The following IL19 variants were observed in gnomAD, a reference collection of about 807,000 sequenced individuals.
IL19 encodes the protein interleukin-19.
Under a neutral mutation model 19.5 loss-of-function variants are expected in IL19, and 15 were observed. That is an observed-to-expected ratio of 0.77 (90% CI 0.52 to 1.19). IL19 has a LOEUF of 1.19. IL19 is among the 50% of genes most tolerant of loss of function. The probability of loss-of-function intolerance (pLI) is 0.00; values close to 1 mark genes in which losing one functional copy is unlikely to be tolerated. For missense variants in IL19, 199 were observed against 213.1 expected (o/e 0.93, Z 0.41); for synonymous variants, 78 against 78.3 (o/e 1.00, Z 0.02).
At chr1:206,832,019 C>G (rs533740040) in intron 2 of IL19, among the ~76,000 whole-genome samples, 1 of 152,246 alleles carries the variant, frequency 6.6e-6, no homozygotes, top group Non-Finnish European at 1.5e-5. Flanking sequence ...CTGCTATTCT[C>G]ACATGTGCAG....
At chr1:206,776,078 C>G (rs969043350) in intron 1 of IL19, among the ~76,000 whole-genome samples, 2 of 152,184 alleles carry the variant, frequency 1.3e-5, no homozygotes, top group African/African-American at 4.8e-5. Flanking sequence ...GGGAATACCT[C>G]TCTTCTTCCA....
intron 4 of IL19, among the ~76,000 whole-genome samples, chr1:206,837,383 G>A (rs2073185): frequency 0.13 from 19,333 of 152,048 alleles, 1,691 homozygotes; most frequent in East Asian, 0.38. Context: ...GAGGGAGGAA[G>A]GAATTTGGGC....
At chr1:206,812,204 A>G (rs999291955) in intron 2 of IL19, among the ~76,000 whole-genome samples, 11 of 152,168 alleles carry the variant, frequency 7.2e-5, no homozygotes, top group African/African-American at 2.4e-4. Flanking sequence ...CTGTAGCCAG[A>G]CTACACAGGT....
At chr1:206,810,713 TG>T (rs1305951435) in intron 2 of IL19, among the ~76,000 whole-genome samples, 1 of 152,212 alleles carries the variant, frequency 6.6e-6, no homozygotes, top group Non-Finnish European at 1.5e-5. Context: ...TGACATAGTT[TG>T]GATGCCTGTC....
chr1:206,837,875 G>A (rs560902383), intron 4 of IL19, among the ~76,000 whole-genome samples: 16 of 152,212 alleles, frequency 1.1e-4, no homozygotes, highest in African/African-American at 3.4e-4. Context: ...GTGTGTTAGG[G>A]CATGCTAGTG....
At chr1:206,822,208 G>C (rs578041902) in intron 2 of IL19, among the ~76,000 whole-genome samples, 4 of 152,206 alleles carry the variant, frequency 2.6e-5, no homozygotes, top group African/African-American at 9.7e-5. Flanking sequence ...TTGCATGAAG[G>C]GGGAAATGGA....
At chr1:206,840,756 T>C (rs1676986728) in intron 5 of IL19, 1 of 504,628 alleles carries the variant, frequency 2.0e-6, no homozygotes, top group Non-Finnish European at 3.6e-6. Flanking sequence ...AAGACAGATA[T>C]GGTGCCTGCT....
intron 6 of IL19, among the ~76,000 whole-genome samples, chr1:206,841,790 A>C (rs369736724): frequency 2.6e-5 from 4 of 152,364 alleles, no homozygotes; most frequent in East Asian, 3.9e-4. Context: ...TGCTCTAGGC[A>C]CACAACAAGT....
At chr1:206,816,264 G>A (rs551765257) in intron 2 of IL19, among the ~76,000 whole-genome samples, 15 of 152,186 alleles carry the variant, frequency 9.9e-5, no homozygotes, top group East Asian at 5.8e-4. Context: ...TACTACATGC[G>A]TAAATGTATA....
intron 2 of IL19, among the ~76,000 whole-genome samples, chr1:206,832,900 G>A (rs1012048273): frequency 7.2e-5 from 11 of 152,132 alleles, no homozygotes; most frequent in African/African-American, 2.7e-4. Context: ...CACCTGTCCC[G>A]TAAAAGGCCC....
intron 1 of IL19, among the ~76,000 whole-genome samples, chr1:206,776,242 G>GT (rs1289277150): frequency 1.3e-5 from 2 of 152,106 alleles, no homozygotes; most frequent in African/African-American, 4.8e-5. Flanking sequence ...TCCAGGACCC[G>GT]TTTTTTCTGC....
At chr1:206,818,056 G>A (rs2883034) in intron 2 of IL19, among the ~76,000 whole-genome samples, 105,919 of 152,058 alleles carry the variant, frequency 0.7, 37,917 homozygotes, top group Non-Finnish European at 0.79. Flanking sequence ...GAGCCACCAC[G>A]CCCGGCCAAT....
intron 2 of IL19, among the ~76,000 whole-genome samples, chr1:206,829,326 A>G (rs1006922884): frequency 2.0e-5 from 3 of 152,196 alleles, no homozygotes; most frequent in Non-Finnish European, 4.4e-5. Context: ...CGGGAATATA[A>G]AAAAGGAAAG....
chr1:206,834,438 C>T, intron 2 of IL19: 1 of 985,582 alleles, frequency 1.0e-6, no homozygotes, highest in Non-Finnish European at 1.2e-6. Context: ...GGCTCCTATG[C>T]ACCGCCATCC....
chr1:206,789,101 T>A (rs1253478930), intron 1 of IL19, among the ~76,000 whole-genome samples: 3 of 152,194 alleles, frequency 2.0e-5, no homozygotes, highest in African/African-American at 7.2e-5. Context: ...AGAGATTGTT[T>A]CAAGGAACAG....
At chr1:206,791,216 T>C (rs1675394313) in intron 1 of IL19, among the ~76,000 whole-genome samples, 1 of 151,996 alleles carries the variant, frequency 6.6e-6, no homozygotes, top group Admixed American at 6.6e-5. Flanking sequence ...AGAGGACTAA[T>C]TGGAAAGTCA....
chr1:206,835,627 G>A (rs963638158), intron 2 of IL19, among the ~76,000 whole-genome samples: 1 of 152,006 alleles, frequency 6.6e-6, no homozygotes, highest in African/African-American at 2.4e-5. Context: ...TCTCCTCCAC[G>A]GCCACACACG....
chr1:206,772,919 A>G (rs2102441573), intron 1 of IL19, among the ~76,000 whole-genome samples: 1 of 152,310 alleles, frequency 6.6e-6, no homozygotes, highest in African/African-American at 2.4e-5. Context: ...TGAATACCCA[A>G]GACTTCTCCT....
At chr1:206,787,710 T>C (rs1158758348) in intron 1 of IL19, among the ~76,000 whole-genome samples, 2 of 152,214 alleles carry the variant, frequency 1.3e-5, no homozygotes, top group Non-Finnish European at 2.9e-5. Context: ...TAGGTTGAAA[T>C]ACTTTAAAGC....
Sources: allele counts gnomAD v4.1 joint callset (sites outside exome capture counted in the v4.1 genomes callset), GRCh38; gene constraint gnomAD v4.1.1; transcripts MANE v1.5; gene names NCBI Gene and HGNC (gene_info 2026-07-23, HGNC 2026-07-21).